EGFLAM: variants seen among roughly 807,000 people sequenced by gnomAD.
EGFLAM encodes the protein pikachurin.
Under a neutral mutation model 113.1 loss-of-function variants are expected in EGFLAM, and 79 were observed. The ratio of observed to expected loss-of-function variants is 0.70; its 90% CI spans 0.58 to 0.84. EGFLAM has a LOEUF of 0.84. Among genes scored for constraint, EGFLAM ranks in the 40% least tolerant of loss-of-function variants. EGFLAM has a pLI of 0.00. For synonymous variants in EGFLAM, 504 were observed against 487.6 expected, an observed-to-expected ratio of 1.03 and a Z score of -0.44; for missense variants, 1,265 against 1,291.6, an observed-to-expected ratio of 0.98 and a Z score of 0.32.
intron 10 of EGFLAM, among the ~76,000 whole-genome samples, chr5:38,411,502 T>G (rs1741478107): frequency 6.7e-6 from 1 of 148,948 alleles, no homozygotes; most frequent in African/African-American, 2.5e-5. Flanking sequence ...TTTTTTTTTT[T>G]TTGAGACAGA....
chr5:38,363,882 A>G (rs1739992533), intron 5 of EGFLAM, among the ~76,000 whole-genome samples: 1 of 152,198 alleles, frequency 6.6e-6, no homozygotes, highest in Non-Finnish European at 1.5e-5. Context: ...TGCCAGCTGT[A>G]TGAACTCTGT....
chr5:38,391,801 C>T (rs1209376812), intron 6 of EGFLAM, among the ~76,000 whole-genome samples: 1 of 151,640 alleles, frequency 6.6e-6, no homozygotes, highest in Non-Finnish European at 1.5e-5. Flanking sequence ...TTTGCAGACA[C>T]AGTTTTACTC....
At chr5:38,419,884 G>A (rs890224474) in intron 12 of EGFLAM, among the ~76,000 whole-genome samples, 24 of 152,126 alleles carry the variant, frequency 1.6e-4, no homozygotes, top group African/African-American at 4.8e-4. Flanking sequence ...AAAATTAGCC[G>A]GGCTTAGTGG....
intron 17 of EGFLAM, chr5:38,445,443 C>T: frequency 7.3e-7 from 1 of 1,378,134 alleles, no homozygotes; most frequent in East Asian, 2.7e-5. Context: ...TTCAATAAGC[C>T]GAGAAGAGGT....
chr5:38,416,820 T>C (rs576738339), intron 11 of EGFLAM, among the ~76,000 whole-genome samples: 2 of 152,288 alleles, frequency 1.3e-5, no homozygotes, highest in East Asian at 3.9e-4. Flanking sequence ...AACCTGACCC[T>C]GAAAACCCAC....
chr5:38,371,623 T>TACAC (rs141810452), intron 6 of EGFLAM, among the ~76,000 whole-genome samples: 1 of 148,672 alleles, frequency 6.7e-6, no homozygotes, highest in South Asian at 2.1e-4. Context: ...CACACACACA[T>TACAC]ACACACACAC....
chr5:38,422,194 C>T (rs571989498), intron 12 of EGFLAM, among the ~76,000 whole-genome samples: 3 of 152,238 alleles, frequency 2.0e-5, no homozygotes, highest in East Asian at 3.9e-4. Context: ...TTCTACCTCT[C>T]GCTTTCTTAT....
At chr5:38,275,722 A>G (rs1408343996) in intron 1 of EGFLAM, among the ~76,000 whole-genome samples, 3 of 152,234 alleles carry the variant, frequency 2.0e-5, no homozygotes, top group Non-Finnish European at 2.9e-5. Flanking sequence ...ACTGAACCTA[A>G]CAAACACATA....
intron 1 of EGFLAM, among the ~76,000 whole-genome samples, chr5:38,329,582 T>G (rs973765673): frequency 6.6e-6 from 1 of 152,074 alleles, no homozygotes; most frequent in Non-Finnish European, 1.5e-5. Flanking sequence ...TCACCTGATT[T>G]CCACTTTTGT....
chr5:38,388,933 CA>C (rs33962258), intron 6 of EGFLAM, among the ~76,000 whole-genome samples: 5,144 of 139,578 alleles, frequency 0.037, 296 homozygotes, highest in African/African-American at 0.13. Flanking sequence ...AAAAAAAAAA[CA>C]AAAAAAAATG....
intron 6 of EGFLAM, among the ~76,000 whole-genome samples, chr5:38,383,192 G>A (rs1271868942): frequency 6.6e-6 from 1 of 152,116 alleles, no homozygotes; most frequent in Non-Finnish European, 1.5e-5. Flanking sequence ...TTTTTTTCTG[G>A]TGCAACCAAA....
At chr5:38,368,145 A>G (rs1382567812) in intron 5 of EGFLAM, among the ~76,000 whole-genome samples, 3 of 152,238 alleles carry the variant, frequency 2.0e-5, no homozygotes, top group Non-Finnish European at 2.9e-5. Flanking sequence ...AAACGATAGC[A>G]GAGAGTTTTA....
chr5:38,376,689 A>G (rs1740372976), intron 6 of EGFLAM, among the ~76,000 whole-genome samples: 3 of 152,066 alleles, frequency 2.0e-5, no homozygotes, highest in African/African-American at 4.8e-5. Context: ...TTTCTCAGAT[A>G]GGCTTCTGGT....
chr5:38,330,800 T>C (rs115926872), intron 1 of EGFLAM, among the ~76,000 whole-genome samples: 130 of 152,300 alleles, frequency 8.5e-4, no homozygotes, highest in Non-Finnish European at 1.5e-3. Flanking sequence ...TCCATTATCT[T>C]TCTCCCCCAC....
intron 6 of EGFLAM, among the ~76,000 whole-genome samples, chr5:38,382,102 T>C (rs1056397609): frequency 1.3e-5 from 2 of 152,202 alleles, no homozygotes; most frequent in Admixed American, 6.5e-5. Context: ...CTATAATGCT[T>C]ATTGTTAGTG....
intron 1 of EGFLAM, among the ~76,000 whole-genome samples, chr5:38,300,883 G>T (rs960816931): frequency 9.2e-5 from 14 of 152,158 alleles, no homozygotes; most frequent in African/African-American, 3.4e-4. Context: ...TGACCCTGTG[G>T]ATGAGTTATG....
At chr5:38,368,983 A>C (rs1441310269) in intron 5 of EGFLAM, among the ~76,000 whole-genome samples, 1 of 152,200 alleles carries the variant, frequency 6.6e-6, no homozygotes, top group African/African-American at 2.4e-5. Flanking sequence ...GTTATTAGCC[A>C]TTAACACAAA....
At position 38,431,083 on chromosome 5, in the gene EGFLAM, A is replaced by G; in HGVS notation, c.2055-94A>G. On this transcript the variant is annotated intron_variant, in intron 14 of 21. Transcript: ENST00000322350. ...ATCTCTACCAGAAACACACTCACAGACACACCCAGAAATAATGTTGTACCA... is the reference window on the plus strand; with the variant it reads ...ATCTCTACCAGAAACACACTCACAGGCACACCCAGAAATAATGTTGTACCA... 6 of 1,090,236 alleles carry G rather than the reference A, an allele frequency of 5.5e-6. No homozygotes were observed. The South Asian group carries it at 5.9e-5, about 11-fold the overall frequency. 67.5% of individuals were successfully genotyped at this position (1,090,236 alleles called of 1,614,324 possible).
intron 1 of EGFLAM, among the ~76,000 whole-genome samples, chr5:38,335,028 G>A (rs1031230182): frequency 6.6e-6 from 1 of 152,070 alleles, no homozygotes; most frequent in African/African-American, 2.4e-5. Context: ...TAATGCAAAA[G>A]GGCAGCCCCC....
Sources: gnomAD v4.1 joint callset for allele counts (sites outside exome capture counted in the v4.1 genomes callset) on GRCh38, gnomAD v4.1.1 for gene constraint, MANE v1.5 for transcripts, NCBI Gene and HGNC (gene_info 2026-07-23, HGNC 2026-07-21) for gene names.